Variants in MAST1 observed in about 807,000 individuals in gnomAD.
MAST1 encodes microtubule associated serine/threonine kinase 1.
Under a neutral mutation model 124.6 loss-of-function variants are expected in MAST1, and 40 were observed. The ratio of observed to expected loss-of-function variants is 0.32; its 90% CI spans 0.25 to 0.42. The LOEUF is 0.42. Among genes scored for constraint, MAST1 ranks in the 10% least tolerant of loss-of-function variants. MAST1 has a pLI of 1.00. For missense variants in MAST1, 1,558 were observed against 2,181.9 expected (o/e 0.71, Z 5.70); for synonymous variants, 938 against 939.4 (o/e 1.00, Z 0.03).
intron 7 of MAST1, among the ~76,000 whole-genome samples, chr19:12,849,551 C>T (rs2090885964): frequency 6.6e-6 from 1 of 151,978 alleles, no homozygotes; most frequent in Admixed American, 6.6e-5. Context: ...GTAATCCCAG[C>T]TACTCAGGAG....
At chr19:12,849,249 G>T (rs59177606) in intron 7 of MAST1, among the ~76,000 whole-genome samples, 8,036 of 152,132 alleles carry the variant, frequency 0.053, 739 homozygotes, top group African/African-American at 0.19. Context: ...ATGTCCCTTT[G>T]CAGTGGCATG....
At chr19:12,859,391 A>C (rs964585180) in intron 12 of MAST1, among the ~76,000 whole-genome samples, 1 of 151,730 alleles carries the variant, frequency 6.6e-6, no homozygotes, top group Non-Finnish European at 1.5e-5. Flanking sequence ...ATTTTATTTT[A>C]TTTATTTATT....
chr19:12,867,871 C>T lies in MAST1; in HGVS notation c.2460C>T (p.Arg820=), dbSNP rs1970177171. 2 of 1,606,968 alleles carry T rather than the reference C, an allele frequency of 1.2e-6. No individual in the cohort carries two copies. Among genetic ancestry groups the T allele is most frequent in the Non-Finnish European group, 1.7e-6 (2 of 1,177,256 alleles). The change falls in exon 20 of 26, where the codon CGC becomes CGT. Residue 820 remains arginine (R), a synonymous_variant. Coordinates refer to ENST00000251472, the MANE Select transcript of MAST1 (RefSeq NM_014975.3). ...AGGACGAGGATGAGGCCCGGCTGCG[C>T]AGGCCTCCCCGGCCCAGCTCCGACC... is the stretch of plus-strand genomic sequence containing the variant. ...PQEDEDEARL[R]RPPRPSSDPA...
chr19:12,874,830 C>A lies in MAST1; in HGVS notation c.4673C>A (p.Thr1558Asn), dbSNP rs1463300207. 6.3e-7 allele frequency: 1 copy of A among 1,598,732 alleles called. No individual in the cohort carries two copies. Among genetic ancestry groups the A allele is most frequent in the East Asian group, 2.3e-5 (1 of 44,400 alleles). The change falls in exon 26 of 26, where the codon ACC (threonine) becomes AAC (asparagine). Residue 1558 changes from threonine (T) to asparagine (N), a missense_variant. Thr to Asn is a moderately conservative substitution (Grantham distance 65). Transcript: ENST00000251472. The surrounding 1 kb of genome is among the most constrained non-coding windows in gnomAD (Gnocchi z 6.6). ...GAAGCTGTGCCCCCAGCAGGCCTGA[C>A]CAAAAAAGGAGTGTCCAGTCCCGCA... ...PAEAVPPAGL[T>N]KKGVSSPAPP...
chr19:12,868,949 T>C, intron 21 of MAST1, 100 bp downstream of exon 21: 1 of 1,540,332 alleles, frequency 6.5e-7, no homozygotes, highest in South Asian at 1.2e-5. Flanking sequence ...CGTGATTGGC[T>C]CCAGGCTGGA....
Position 12,840,974 on chromosome 19 carries a change from C to A in MAST1, c.173-17C>A. On this transcript the variant is annotated splice_polypyrimidine_tract_variant and intron_variant, in intron 2 of 25. Transcript: ENST00000251472. The stretch of plus-strand genomic sequence containing the variant: ...AACGAGAGACCTGACAGGATTTGCC[C>A]CCTCTTTCTCTCATAGGCAGCAGTC... 3 of 980,636 alleles carry A rather than the reference C, an allele frequency of 3.1e-6. No individual in the cohort carries two copies. The highest frequency in any genetic ancestry group is 1.3e-5 in the South Asian group (1 of 78,654). The allele number at this position is 980,636 out of a possible 1,614,324, so 60.7% of individuals were successfully genotyped here.
chr19:12,858,846 A>G (rs1341969280), intron 12 of MAST1, 107 bp downstream of exon 12: 7 of 997,770 alleles, frequency 7.0e-6, no homozygotes, highest in Middle Eastern at 2.0e-4. Flanking sequence ...GTCGGCCTGT[A>G]TGTTTATCCA....
chr19:12,864,229 G>C (rs1361596170), intron 12 of MAST1, among the ~76,000 whole-genome samples: 1 of 151,908 alleles, frequency 6.6e-6, no homozygotes, highest in Non-Finnish European at 1.5e-5. Flanking sequence ...GCCCAGCCTT[G>C]AACAATTTTT....
chr19:12,864,511 T>C (rs1004307163), intron 12 of MAST1, among the ~76,000 whole-genome samples: 4 of 151,960 alleles, frequency 2.6e-5, no homozygotes, highest in Non-Finnish European at 5.9e-5. Context: ...GATAAGTGGG[T>C]AGCCTTTGTT....
intron 22 of MAST1, among the ~76,000 whole-genome samples, chr19:12,870,614 A>G (rs1175337451): frequency 6.8e-6 from 1 of 147,802 alleles, no homozygotes; most frequent in Non-Finnish European, 1.5e-5. Context: ...GCAGTGAGCC[A>G]GGATTGCGCC....
Position 12,874,081 on chromosome 19 carries a change from C to G in MAST1, c.3924C>G (p.Ala1308=), listed in dbSNP as rs751536491. 7 of 1,577,476 alleles carry G rather than the reference C, an allele frequency of 4.4e-6. No homozygotes were observed. The highest frequency in any genetic ancestry group is 6.0e-6 in the Non-Finnish European group (7 of 1,165,140). Residue 1308 remains alanine, a synonymous_variant, in exon 26 of 26, where the codon GCC becomes GCG. Coordinates refer to ENST00000251472, the MANE Select transcript of MAST1 (RefSeq NM_014975.3). The surrounding 1 kb of genome is among the most constrained non-coding windows in gnomAD (Gnocchi z 6.6). The part of the protein sequence containing the change: ...FHGELALHSL[A]ESDGETPPVE... ...GCGAGCTGGCGCTGCATAGCCTTGC[C>G]GAGTCCGACGGTGAGACGCCCCCAG...
At position 12,870,209 on chromosome 19, in the gene MAST1, G is replaced by A. The variant is rs532224018; in HGVS notation, c.3004-615G>A. Among the ~76,000 whole-genome samples the A allele has an allele frequency of 6.3e-5, 8 of 127,444 alleles. No homozygotes were observed. In the East Asian group the frequency reaches 1.5e-3, roughly 24 times the overall value. The allele number at this position is 127,444 out of a possible 152,430, so 83.6% of individuals were successfully genotyped here. A position where few individuals can be genotyped will look rare whatever the true frequency, so the allele number is the denominator to read the frequency against. On this transcript the variant is annotated intron_variant, in intron 22 of 25. Coordinates refer to ENST00000251472, the MANE Select transcript of MAST1 (RefSeq NM_014975.3). ...AAAAAAAAAAAAAAAAAAAAAAATGGCCAGGCGCGGTGGCTCACGCCTGTA... is the reference window on the plus strand; with the variant it reads ...AAAAAAAAAAAAAAAAAAAAAAATGACCAGGCGCGGTGGCTCACGCCTGTA...
Position 12,867,975 on chromosome 19 carries a change from C to A in MAST1, c.2564C>A (p.Ala855Asp). ...ACCTCCAGCGCCGGGGACTCCGAGGCCAGTGAGTGCCCTATCGTGCTGCCT... is the reference window on the plus strand; with the variant it reads ...ACCTCCAGCGCCGGGGACTCCGAGGACAGTGAGTGCCCTATCGTGCTGCCT... Reference protein sequence around the residue: ...EGTSSAGDSEATDRPRPGDLC... With the variant: ...EGTSSAGDSEDTDRPRPGDLC... Residue 855 changes from alanine to aspartate, a missense_variant and splice_region_variant, in exon 20 of 26, where the codon GCC becomes GAC. Physicochemically the swap from Ala to Asp is moderately radical, Grantham distance 126 (BLOSUM62 -2). Transcript: ENST00000251472. 1.3e-6 allele frequency: 2 copies of A among 1,541,594 alleles called. No individual in the cohort carries two copies. Among genetic ancestry groups the A allele is most frequent in the Non-Finnish European group, 1.7e-6 (2 of 1,146,486 alleles).
In MAST1 at chr19:12,871,005, A is replaced by G. The variant is rs1434776504; in HGVS notation, c.3127-31A>G. The G allele has an allele frequency of 2.5e-6, 4 of 1,613,938 alleles. No homozygotes were observed. In the Admixed American group the frequency reaches 6.7e-5, roughly 27 times the overall value. On this transcript the variant is annotated intron_variant, in intron 23 of 25. Coordinates refer to ENST00000251472, the MANE Select transcript of MAST1 (RefSeq NM_014975.3). Reference sequence around the variant, plus strand: ...GGTGGGGGAGGCCTGAGCAGCCCCTAGCAGAGCATTTTCCCGCATTCTTCC... The same window carrying G: ...GGTGGGGGAGGCCTGAGCAGCCCCTGGCAGAGCATTTTCCCGCATTCTTCC...
At chr19:12,867,435 G>A in intron 18 of MAST1, 39 bp from the exon 19 acceptor site, 2 of 1,609,494 alleles carry the variant, frequency 1.2e-6, no homozygotes, top group Non-Finnish European at 1.7e-6. Context: ...GAGTGAAAGT[G>A]GAACCCGGGC....
rs1969968164 is a variant in MAST1 at position 12,852,147 on chromosome 19, G to A, written c.909G>A (p.Leu303=). Reference sequence around the variant, plus strand: ...ACCCCGAGGAGTTCTACCACCTGCTGGAGGCGGCCGAAGGACACGCCAAGG... The same window carrying A: ...ACCCCGAGGAGTTCTACCACCTGCTAGAGGCGGCCGAAGGACACGCCAAGG... ...EFNPEEFYHL[L]EAAEGHAKEG... Residue 303 remains leucine (L), a synonymous_variant, in exon 9 of 26, where the codon CTG becomes CTA. Coordinates refer to ENST00000251472, the MANE Select transcript of MAST1 (RefSeq NM_014975.3). The A allele has an allele frequency of 6.2e-7, 1 of 1,613,986 alleles. No homozygotes were observed. The highest frequency in any genetic ancestry group is 1.3e-5 in the African/African-American group (1 of 75,068).
At chr19:12,868,605 C>T (rs1317026991) in intron 20 of MAST1, 38 bp from the exon 21 acceptor site, 12 of 1,519,136 alleles carry the variant, frequency 7.9e-6, no homozygotes, top group Non-Finnish European at 9.8e-6. Flanking sequence ...AATCCCTGGC[C>T]TTGGACTAAT....
At chr19:12,846,462 T>C (rs1599577878) in intron 4 of MAST1, among the ~76,000 whole-genome samples, 1 of 151,912 alleles carries the variant, frequency 6.6e-6, no homozygotes, top group Non-Finnish European at 1.5e-5. Context: ...AGGGGTGACA[T>C]TGAAGCAAAA....
chr19:12,864,817 T>A lies in MAST1; in HGVS notation c.1375T>A (p.Cys459Ser). The A allele has an allele frequency of 1.2e-6, 2 of 1,613,858 alleles. No homozygotes were observed. The highest frequency in any genetic ancestry group is 1.7e-6 in the Non-Finnish European group (2 of 1,180,012). The stretch of plus-strand genomic sequence containing the variant: ...CATTTCCTGGCCTGCAGGCGGCGAC[T>A]GTGCCACCCTGCTGAAGAATATTGG... ...MVMEYVEGGD[C>S]ATLLKNIGAL... The change falls in exon 13 of 26, where the codon TGT (cysteine) becomes AGT (serine). Residue 459 changes from cysteine to serine, a missense_variant. This residue lies in a region of MAST1 where 145 missense variants were observed against 350.0 expected (regional missense o/e 0.41). Coordinates refer to ENST00000251472, the MANE Select transcript of MAST1 (RefSeq NM_014975.3).
Sources: allele counts gnomAD v4.1 joint callset (sites outside exome capture counted in the v4.1 genomes callset), GRCh38; gene constraint gnomAD v4.1.1; regional missense constraint gnomAD v4.1.1; non-coding constraint Gnocchi (gnomAD v3.1); transcripts MANE v1.5; gene names NCBI Gene and HGNC (gene_info 2026-07-23, HGNC 2026-07-21).